The following PDGFC variants were observed in gnomAD, a reference collection of about 807,000 sequenced individuals.
PDGFC encodes the protein platelet derived growth factor C.
A neutral mutation model predicts 35.5 loss-of-function variants in PDGFC; 12 were observed. The observed-to-expected ratio is 0.34, with a 90% confidence interval of 0.22 to 0.55. PDGFC has a LOEUF of 0.55. Ranked by LOEUF, PDGFC falls within the 20% of genes least tolerant of loss-of-function variation. PDGFC has a pLI of 0.91. For synonymous variants in PDGFC, 159 were observed against 148.8 expected (o/e 1.07, Z -0.50); for missense variants, 322 against 412.4 (o/e 0.78, Z 1.90).
At chr4:156,868,348 T>G (rs1729895939) in intron 1 of PDGFC, among the ~76,000 whole-genome samples, 1 of 152,218 alleles carries the variant, frequency 6.6e-6, no homozygotes, top group African/African-American at 2.4e-5. Flanking sequence ...CAGGTCACTT[T>G]AAAGTCAAAG....
chr4:156,860,321 A>C (rs1729679964), intron 1 of PDGFC, among the ~76,000 whole-genome samples: 1 of 152,110 alleles, frequency 6.6e-6, no homozygotes, highest in South Asian at 2.1e-4. Flanking sequence ...TGGCATTTGC[A>C]CTGTTTATGT....
intron 1 of PDGFC, among the ~76,000 whole-genome samples, chr4:156,939,538 T>C (rs1448733302): frequency 2.0e-5 from 3 of 152,022 alleles, no homozygotes; most frequent in Non-Finnish European, 4.4e-5. Flanking sequence ...AGAAAACACA[T>C]TTTTCACTTA....
At chr4:156,927,706 C>T (rs1381759095) in intron 1 of PDGFC, among the ~76,000 whole-genome samples, 1 of 152,124 alleles carries the variant, frequency 6.6e-6, no homozygotes, top group African/African-American at 2.4e-5. Context: ...TTGGCCAAAC[C>T]ATTCAATGAG....
intron 1 of PDGFC, among the ~76,000 whole-genome samples, chr4:156,904,096 C>T (rs1730857772): frequency 2.0e-5 from 3 of 152,070 alleles, no homozygotes; most frequent in Admixed American, 2.0e-4. Flanking sequence ...AATGATATTA[C>T]AGCATACAAT....
chr4:156,831,439 CTT>C lies in PDGFC; in HGVS notation c.314+18780_314+18781del, dbSNP rs34254264. 7.8e-4 allele frequency among the ~76,000 whole-genome samples: 77 copies of C among 99,304 alleles called. No individual in the cohort carries two copies. In the East Asian group the frequency reaches 0.02, roughly 26 times the overall value. The allele number at this position is 99,304 out of a possible 152,430, so 65.1% of individuals were successfully genotyped here. A position where few individuals can be genotyped will look rare whatever the true frequency, so the allele number is the denominator to read the frequency against. On this transcript the variant is annotated intron_variant, in intron 2 of 5. Coordinates refer to ENST00000502773, the MANE Select transcript of PDGFC (RefSeq NM_016205.3). ...CCTAGACAACATAATGAGACCCTGT[CTT>C]TTTTTTTTTTTTTTTTTTTTGAGAT...
intron 1 of PDGFC, among the ~76,000 whole-genome samples, chr4:156,956,240 T>C (rs1732205765): frequency 6.6e-6 from 1 of 151,984 alleles, no homozygotes; most frequent in African/African-American, 2.4e-5. Flanking sequence ...GTCAGTTTTG[T>C]GTAATTTTTG....
chr4:156,813,693 G>T (rs966343409), intron 2 of PDGFC, among the ~76,000 whole-genome samples: 5 of 152,136 alleles, frequency 3.3e-5, no homozygotes, highest in Non-Finnish European at 5.9e-5. Context: ...TCTTGGTATT[G>T]CATGGTAATA....
intron 1 of PDGFC, among the ~76,000 whole-genome samples, chr4:156,851,128 G>A (rs1221167081): frequency 6.6e-6 from 1 of 151,660 alleles, no homozygotes; most frequent in Non-Finnish European, 1.5e-5. Context: ...TAACTTCTGG[G>A]AAAAACAAAA....
chr4:156,903,620 T>C (rs973865837), intron 1 of PDGFC, among the ~76,000 whole-genome samples: 1 of 152,118 alleles, frequency 6.6e-6, no homozygotes, highest in African/African-American at 2.4e-5. Flanking sequence ...AATTAAAGAA[T>C]GAATTCTGAC....
chr4:156,919,609 G>C (rs1221879986), intron 1 of PDGFC, among the ~76,000 whole-genome samples: 1 of 152,274 alleles, frequency 6.6e-6, no homozygotes, highest in African/African-American at 2.4e-5. Flanking sequence ...CTGAGGACCA[G>C]AGAGATGGCT....
intron 2 of PDGFC, among the ~76,000 whole-genome samples, chr4:156,831,067 T>C (rs949765322): frequency 1.3e-5 from 2 of 152,216 alleles, no homozygotes; most frequent in African/African-American, 2.4e-5. Flanking sequence ...TTTAGCATGG[T>C]ATTTCCTCCA....
chr4:156,925,139 GT>G (rs1731376584), intron 1 of PDGFC, among the ~76,000 whole-genome samples: 1 of 152,178 alleles, frequency 6.6e-6, no homozygotes, highest in Non-Finnish European at 1.5e-5. Flanking sequence ...AGCTCCATGT[GT>G]TTTCAGGAAG....
intron 1 of PDGFC, among the ~76,000 whole-genome samples, chr4:156,862,171 C>A (rs527838502): frequency 6.6e-6 from 1 of 152,130 alleles, no homozygotes; most frequent in Non-Finnish European, 1.5e-5. Context: ...ATTTTAAAAG[C>A]AAAGGTGCAA....
At chr4:156,944,507 T>C (rs2110917889) in intron 1 of PDGFC, among the ~76,000 whole-genome samples, 1 of 152,288 alleles carries the variant, frequency 6.6e-6, no homozygotes, top group East Asian at 1.9e-4. Flanking sequence ...TGTGTGTCTC[T>C]TACATACTTT....
In PDGFC at chr4:156,937,159, A is replaced by T. The variant is rs114354081; in HGVS notation, c.118+33627T>A. The stretch of plus-strand genomic sequence containing the variant: ...CAATAAATACATGGTTATTGAAGCC[A>T]TAGTGATAGAAGGCATTTCTGAAGA... On this transcript the variant is annotated intron_variant, in intron 1 of 5. Transcript: ENST00000502773. Among the ~76,000 whole-genome samples, 1,235 of 152,308 alleles carry T rather than the reference A, an allele frequency of 8.1e-3. 18 individuals are homozygous for T. The highest frequency in any genetic ancestry group is 0.027 in the African/African-American group (1,129 of 41,564).
chr4:156,769,604 G>A (rs1730636954), intron 4 of PDGFC, among the ~76,000 whole-genome samples: 1 of 151,914 alleles, frequency 6.6e-6, no homozygotes, highest in Non-Finnish European at 1.5e-5. Flanking sequence ...TTTGGCTACT[G>A]AAAGATTTCT....
chr4:156,924,412 TG>T (rs111823921), intron 1 of PDGFC, among the ~76,000 whole-genome samples: 6 of 152,180 alleles, frequency 3.9e-5, no homozygotes, highest in African/African-American at 1.4e-4. Context: ...CAAAATTCAG[TG>T]GGGAAAAAAA....
At chr4:156,848,372 A>G (rs1729374902) in intron 2 of PDGFC, among the ~76,000 whole-genome samples, 1 of 151,960 alleles carries the variant, frequency 6.6e-6, no homozygotes, top group Non-Finnish European at 1.5e-5. Flanking sequence ...GTAAAGCTGA[A>G]AATATAAATG....
At chr4:156,893,660 C>T in intron 1 of PDGFC, among the ~76,000 whole-genome samples, 1 of 148,772 alleles carries the variant, frequency 6.7e-6, no homozygotes, top group Non-Finnish European at 1.5e-5. Context: ...TGAAATCACT[C>T]ATTACCATCA....
Sources: gnomAD v4.1 joint callset for allele counts (sites outside exome capture counted in the v4.1 genomes callset) on GRCh38, gnomAD v4.1.1 for gene constraint, MANE v1.5 for transcripts, NCBI Gene and HGNC (gene_info 2026-07-23, HGNC 2026-07-21) for gene names.